CTNNA3: variants seen among roughly 807,000 people sequenced by gnomAD.
CTNNA3 encodes the protein catenin alpha 3.
In CTNNA3, 76 loss-of-function variants were observed where a neutral mutation model predicts 95.7. That is an observed-to-expected ratio of 0.79 (90% CI 0.66 to 0.96). The LOEUF (loss-of-function observed/expected upper bound fraction) is 0.96. Among genes scored for constraint, CTNNA3 ranks in the 40% least tolerant of loss-of-function variants. CTNNA3 has a pLI of 0.00. For synonymous variants in CTNNA3, 431 were observed against 374.4 expected (o/e 1.15, Z -1.74); for missense variants, 1,191 against 1,089.8 (o/e 1.09, Z -1.31).
intron 16 of CTNNA3, among the ~76,000 whole-genome samples, chr10:65,985,874 A>C (rs2078417556): frequency 6.6e-6 from 1 of 151,538 alleles, no homozygotes; most frequent in South Asian, 2.1e-4. Flanking sequence ...TATTAAGAAA[A>C]ACCTTTCTTT....
At chr10:67,196,014 C>T (rs1248540517) in intron 6 of CTNNA3, among the ~76,000 whole-genome samples, 1 of 151,990 alleles carries the variant, frequency 6.6e-6, no homozygotes, top group Non-Finnish European at 1.5e-5. Context: ...TGCTATGCTT[C>T]ACGTTGAGAG....
At chr10:67,614,241 C>G (rs1186200647) in intron 2 of CTNNA3, among the ~76,000 whole-genome samples, 1 of 152,150 alleles carries the variant, frequency 6.6e-6, no homozygotes, top group Admixed American at 6.5e-5. Context: ...TTTACAATCC[C>G]TTCGTAAGAC....
intron 13 of CTNNA3, among the ~76,000 whole-genome samples, chr10:66,172,562 G>T (rs1225263999): frequency 2.6e-5 from 4 of 151,130 alleles, no homozygotes; most frequent in East Asian, 1.9e-4. Flanking sequence ...ATGATTTTTT[G>T]ATTTTGATGA....
At chr10:66,756,220 A>G (rs1021101554) in intron 9 of CTNNA3, among the ~76,000 whole-genome samples, 17 of 152,170 alleles carry the variant, frequency 1.1e-4, no homozygotes, top group Non-Finnish European at 2.2e-4. Context: ...AGAGGAGGAC[A>G]GGAAGAGAGA....
intron 10 of CTNNA3, among the ~76,000 whole-genome samples, chr10:66,563,162 G>A (rs537953310): frequency 4.6e-5 from 7 of 152,162 alleles, no homozygotes; most frequent in African/African-American, 1.7e-4. Flanking sequence ...ATTAAATAAT[G>A]CAGTATAGAA....
chr10:67,259,419 A>T (rs77429248), intron 5 of CTNNA3, among the ~76,000 whole-genome samples: 10 of 147,196 alleles, frequency 6.8e-5, no homozygotes, highest in African/African-American at 2.3e-4. Context: ...AACAAACAAT[A>T]AAAAAAAAAG....
At chr10:66,154,084 A>T (rs925924187) in intron 13 of CTNNA3, among the ~76,000 whole-genome samples, 4 of 151,918 alleles carry the variant, frequency 2.6e-5, no homozygotes, top group African/African-American at 9.7e-5. Flanking sequence ...CAAAATATTC[A>T]GCAAATAAAT....
At chr10:66,637,189 G>A (rs568659358) in intron 9 of CTNNA3, among the ~76,000 whole-genome samples, 32 of 152,278 alleles carry the variant, frequency 2.1e-4, no homozygotes, top group African/African-American at 6.7e-4. Context: ...TTAAGAAATA[G>A]TGAATGGTCT....
intron 5 of CTNNA3, among the ~76,000 whole-genome samples, chr10:67,408,445 A>G (rs1845230834): frequency 6.6e-6 from 1 of 152,112 alleles, no homozygotes; most frequent in Non-Finnish European, 1.5e-5. Flanking sequence ...ACCTACAACC[A>G]TCTGATATTC....
chr10:66,378,282 T>C (rs928212382), intron 12 of CTNNA3, among the ~76,000 whole-genome samples: 9 of 152,206 alleles, frequency 5.9e-5, no homozygotes, highest in African/African-American at 2.2e-4. Context: ...ATATTCCATA[T>C]GCATAACATG....
At chr10:66,462,611 A>G (rs1341170666) in intron 11 of CTNNA3, among the ~76,000 whole-genome samples, 1 of 152,146 alleles carries the variant, frequency 6.6e-6, no homozygotes, top group African/African-American at 2.4e-5. Flanking sequence ...GATACTAAAA[A>G]TAATAATACA....
chr10:67,300,814 G>A (rs1189003391), intron 5 of CTNNA3, among the ~76,000 whole-genome samples: 1 of 152,092 alleles, frequency 6.6e-6, no homozygotes, highest in Non-Finnish European at 1.5e-5. Context: ...TGTATAAACT[G>A]TTTCTCCTGG....
rs78323621 is a variant in CTNNA3 at position 66,811,306 on chromosome 10, G to A, written c.1048-35782C>T. ...GCAACACAGCTGCAGGAACTTAGAT[G>A]TTTAGGTTAGAGAAGAGAAACAAAA... On this transcript the variant is annotated intron_variant, in intron 7 of 17. Transcript: ENST00000433211. 9.7e-4 allele frequency among the ~76,000 whole-genome samples: 148 copies of A among 152,272 alleles called. 2 individuals are homozygous for A. The East Asian group carries it at 0.024, about 24-fold the overall frequency.
chr10:66,965,173 CCCTGGATTTAGGTA>C (rs2132793968), intron 7 of CTNNA3, among the ~76,000 whole-genome samples: 1 of 152,170 alleles, frequency 6.6e-6, no homozygotes, highest in African/African-American at 2.4e-5. Context: ...GCAGACAATG[CCCTGGATTTAGGTA>C]CTAGTCTCCT....
At chr10:67,613,395 C>A (rs914658939) in intron 2 of CTNNA3, among the ~76,000 whole-genome samples, 1 of 151,954 alleles carries the variant, frequency 6.6e-6, no homozygotes, top group Non-Finnish European at 1.5e-5. Flanking sequence ...AGAATAAAAC[C>A]CTACATTTTA....
chr10:67,725,580 T>C (rs570798528), intron 1 of CTNNA3, among the ~76,000 whole-genome samples: 1 of 152,070 alleles, frequency 6.6e-6, no homozygotes, highest in South Asian at 2.1e-4. Context: ...CAGAGTCCCC[T>C]ACCTAAATCC....
intron 5 of CTNNA3, among the ~76,000 whole-genome samples, chr10:67,239,846 T>C (rs900693854): frequency 6.6e-6 from 1 of 152,100 alleles, no homozygotes; most frequent in Non-Finnish European, 1.5e-5. Context: ...TGTATCCACT[T>C]TGAGGGCTCA....
intron 7 of CTNNA3, among the ~76,000 whole-genome samples, chr10:66,831,672 G>A (rs1280076529): frequency 6.6e-6 from 1 of 151,994 alleles, no homozygotes; most frequent in Non-Finnish European, 1.5e-5. Context: ...ATTCAATAAA[G>A]AGTTGTGCAG....
At chr10:66,764,672 T>C (rs555164289) in intron 9 of CTNNA3, among the ~76,000 whole-genome samples, 3 of 152,208 alleles carry the variant, frequency 2.0e-5, no homozygotes, top group Non-Finnish European at 4.4e-5. Flanking sequence ...CATTTTTAGA[T>C]AACACTTTTA....
Sources: allele counts gnomAD v4.1 joint callset (sites outside exome capture counted in the v4.1 genomes callset), GRCh38; gene constraint gnomAD v4.1.1; transcripts MANE v1.5; gene names NCBI Gene and HGNC (gene_info 2026-07-23, HGNC 2026-07-21).